Variants in GUCY2C observed in about 807,000 individuals in gnomAD.
The protein encoded by GUCY2C is guanylate cyclase 2C.
Under a neutral mutation model 131.1 loss-of-function variants are expected in GUCY2C, and 118 were observed. That is an observed-to-expected ratio of 0.90 (90% CI 0.78 to 1.05). GUCY2C has a LOEUF of 1.05. Ranked by LOEUF, GUCY2C falls within the 50% of genes least tolerant of loss-of-function variation. GUCY2C has a pLI of 0.00. For synonymous variants in GUCY2C, 452 were observed against 457.8 expected, an observed-to-expected ratio of 0.99 and a Z score of 0.16; for missense variants, 1,161 against 1,304.4, an observed-to-expected ratio of 0.89 and a Z score of 1.69.
chr12:14,645,155 GA>G (rs1184713242), intron 16 of GUCY2C, 73 bp downstream of exon 16: 2 of 803,206 alleles, frequency 2.5e-6, no homozygotes, highest in African/African-American at 3.4e-5. Context: ...CCAATGCACA[GA>G]AGGTTGAATA....
intron 19 of GUCY2C, among the ~76,000 whole-genome samples, chr12:14,630,236 G>A (rs1344563473): frequency 6.6e-6 from 1 of 151,728 alleles, no homozygotes; most frequent in African/African-American, 2.4e-5. Context: ...ACAATTCCCT[G>A]GGAAGGAACT....
intron 20 of GUCY2C, 133 bp downstream of exon 20, chr12:14,628,513 G>T: frequency 1.6e-6 from 1 of 622,434 alleles, no homozygotes; most frequent in Non-Finnish European, 2.9e-6. Flanking sequence ...TTAATGTTAT[G>T]AGGCAGTTGT....
intron 1 of GUCY2C, among the ~76,000 whole-genome samples, chr12:14,692,202 A>T (rs1296185379): frequency 3.3e-5 from 5 of 152,120 alleles, no homozygotes; most frequent in African/African-American, 1.2e-4. Flanking sequence ...TCCTTCTCTC[A>T]TGAGCATATG....
intron 15 of GUCY2C, 119 bp from the exon 16 acceptor site, chr12:14,645,434 G>T (rs2137027823): frequency 3.3e-6 from 2 of 597,056 alleles, no homozygotes; most frequent in African/African-American, 1.9e-5. Context: ...GAACAAATTG[G>T]AATTCCATTG....
intron 8 of GUCY2C, chr12:14,674,390 G>A (rs368097671): frequency 4.3e-5 from 24 of 553,320 alleles, no homozygotes; most frequent in African/African-American, 5.7e-5. Context: ...CAGAACCTGC[G>A]CTACCTGCCC....
At chr12:14,620,060 TTC>T (rs1209823634) in intron 23 of GUCY2C, among the ~76,000 whole-genome samples, 1 of 152,206 alleles carries the variant, frequency 6.6e-6, no homozygotes, top group African/African-American at 2.4e-5. Flanking sequence ...TCTAGATGAC[TTC>T]TGAGTTCCTC....
intron 9 of GUCY2C, among the ~76,000 whole-genome samples, chr12:14,671,092 G>A (rs139462366): frequency 0.01 from 1,539 of 152,012 alleles, 18 homozygotes; most frequent in Non-Finnish European, 0.014. Flanking sequence ...TGGGAATTCT[G>A]GGAGATACAA....
rs374020972 is a variant in GUCY2C, at chr12:14,613,099, C to A, written c.*18G>T. ...AGCTGTATTTTAATTTGTGTGAGTC[C>A]TTATACCTCATTTAGGTTTAAAAAT... On this transcript the variant is annotated 3_prime_UTR_variant, in exon 27 of 27. Coordinates refer to ENST00000261170, the MANE Select transcript of GUCY2C (RefSeq NM_004963.4). This position sits in a 1 kb window ranked among gnomAD's most constrained non-coding sequence, Gnocchi z 4.9. 1 of 1,602,524 alleles carries A rather than the reference C, an allele frequency of 6.2e-7. No homozygotes were observed. Among genetic ancestry groups the A allele is most frequent in the Non-Finnish European group, 8.5e-7 (1 of 1,169,952 alleles).
At chr12:14,629,231 C>T (rs1390472695) in intron 19 of GUCY2C, among the ~76,000 whole-genome samples, 6 of 152,006 alleles carry the variant, frequency 3.9e-5, no homozygotes, top group Non-Finnish European at 7.4e-5. Context: ...TCTTCTTAAC[C>T]GGACCCATTT....
chr12:14,665,286 T>C (rs1325065974), intron 10 of GUCY2C, among the ~76,000 whole-genome samples: 1 of 151,926 alleles, frequency 6.6e-6, no homozygotes, highest in Non-Finnish European at 1.5e-5. Flanking sequence ...GAGTAGATGT[T>C]TCCCACCTCT....
At position 14,696,440 on chromosome 12, in the gene GUCY2C, C is replaced by T. The variant is rs149332679; in HGVS notation, c.9G>A (p.Thr3=). Residue 3 remains threonine, a synonymous_variant, in exon 1 of 27, where the codon ACG becomes ACA. Coordinates refer to ENST00000261170, the MANE Select transcript of GUCY2C (RefSeq NM_004963.4). ...ACCACAAAGCCAAGTCCAACAGCAA[C>T]GTCTTCATGACCCCAATCACGTTAG... The part of the protein sequence containing the change: MK[T]LLLDLALWSL... The T allele has an allele frequency of 2.2e-4, 348 of 1,613,238 alleles. 1 individual carries two copies. In the African/African-American group the frequency reaches 4.0e-3, roughly 19 times the overall value.
At chr12:14,624,522 G>T (rs1348981529) in intron 21 of GUCY2C, among the ~76,000 whole-genome samples, 1 of 152,018 alleles carries the variant, frequency 6.6e-6, no homozygotes, top group South Asian at 2.1e-4. Context: ...ACCCCAAGGG[G>T]TACTATTCAA....
At chr12:14,629,127 C>G (rs570378288) in intron 19 of GUCY2C, among the ~76,000 whole-genome samples, 1 of 152,114 alleles carries the variant, frequency 6.6e-6, no homozygotes. Flanking sequence ...AAAGCCAGTG[C>G]CCTTATACAA....
At chr12:14,694,240 C>T (rs1265132031) in intron 1 of GUCY2C, among the ~76,000 whole-genome samples, 1 of 152,170 alleles carries the variant, frequency 6.6e-6, no homozygotes, top group Non-Finnish European at 1.5e-5. Context: ...TGCTTCTAAC[C>T]ATAATGTTCC....
At position 14,652,945 on chromosome 12, in the gene GUCY2C, A is replaced by C. The variant is rs771082415; in HGVS notation, c.1533+7T>G. ...AGTGGAGAGTTCAGAGAAGTGGGAG[A>C]GGTCACCTTTTTGTCGTATTTGCAC... On this transcript the variant is annotated splice_region_variant and intron_variant, in intron 13 of 26. Coordinates refer to ENST00000261170, the MANE Select transcript of GUCY2C (RefSeq NM_004963.4). 1 of 1,588,564 alleles carries C rather than the reference A, an allele frequency of 6.3e-7. No individual in the cohort carries two copies. Among genetic ancestry groups the C allele is most frequent in the South Asian group, 1.1e-5 (1 of 90,570 alleles).
At position 14,672,940 on chromosome 12, in the gene GUCY2C, G is replaced by T. The variant is rs781247649; in HGVS notation, c.1103C>A (p.Thr368Asn). 6.2e-7 allele frequency: 1 copy of T among 1,603,438 alleles called. No homozygotes were observed. Among genetic ancestry groups the T allele is most frequent in the Non-Finnish European group, 8.5e-7 (1 of 1,170,312 alleles). ...GTCAACATCCCCCCAGTCATCCAAG[G>T]TCACTGGACCGTCATACCCTAGGGC... ...LTFEGYDGPV[T>N]LDDWGDVDST... is the part of the protein sequence containing the mutation. Residue 368 changes from threonine (T) to asparagine (N), a missense_variant, in exon 9 of 27, where the codon ACC (threonine) becomes AAC (asparagine). Physicochemically the swap from Thr to Asn is moderately conservative, Grantham distance 65 (BLOSUM62 0). Coordinates refer to ENST00000261170, the MANE Select transcript of GUCY2C (RefSeq NM_004963.4).
intron 21 of GUCY2C, among the ~76,000 whole-genome samples, chr12:14,623,014 T>C (rs1284109723): frequency 3.9e-5 from 6 of 152,202 alleles, no homozygotes; most frequent in Non-Finnish European, 8.8e-5. Context: ...CATCACTTTG[T>C]AGTGGCCCTC....
intron 7 of GUCY2C, among the ~76,000 whole-genome samples, chr12:14,676,186 A>G (rs1346951697): frequency 1.3e-5 from 2 of 152,234 alleles, no homozygotes; most frequent in East Asian, 1.9e-4. Context: ...AGATTTAATC[A>G]TATGAAAGTA....
At chr12:14,647,542 CT>C (rs1947547150) in intron 15 of GUCY2C, among the ~76,000 whole-genome samples, 2 of 152,118 alleles carry the variant, frequency 1.3e-5, no homozygotes, top group South Asian at 4.1e-4. Flanking sequence ...ATGATTTCAG[CT>C]TCCAAAAGTT....
Sources: gnomAD v4.1 joint callset for allele counts (sites outside exome capture counted in the v4.1 genomes callset) on GRCh38, gnomAD v4.1.1 for gene constraint, Gnocchi (gnomAD v3.1) non-coding constraint, MANE v1.5 for transcripts, NCBI Gene and HGNC (gene_info 2026-07-23, HGNC 2026-07-21) for gene names.